The following RTKN2 variants were observed in gnomAD, a reference collection of about 807,000 sequenced individuals.
The protein encoded by RTKN2 is rhotekin-2.
A neutral mutation model predicts 71.5 loss-of-function variants in RTKN2; 69 were observed. The ratio of observed to expected loss-of-function variants is 0.96; its 90% CI spans 0.79 to 1.18. The LOEUF (loss-of-function observed/expected upper bound fraction) is 1.18. Ranked by LOEUF, RTKN2 falls within the 50% of genes most tolerant of loss-of-function variation. The pLI, the probability that RTKN2 is intolerant of heterozygous loss-of-function variation, is 0.00. For missense variants in RTKN2, 724 were observed against 719.7 expected, an observed-to-expected ratio of 1.01 and a Z score of -0.07; for synonymous variants, 236 against 236.5, an observed-to-expected ratio of 1.00 and a Z score of 0.02.
At chr10:62,236,392 A>C (rs1156327385) in intron 5 of RTKN2, 129 bp from the exon 6 acceptor site, 2 of 641,366 alleles carry the variant, frequency 3.1e-6, no homozygotes, top group Non-Finnish European at 5.4e-6. Context: ...TAAAACCACT[A>C]TGAGATACTA....
chr10:62,207,969 A>T (rs1466360331), intron 9 of RTKN2, among the ~76,000 whole-genome samples: 2 of 152,118 alleles, frequency 1.3e-5, no homozygotes, highest in Non-Finnish European at 2.9e-5. Flanking sequence ...TGATTTGTAA[A>T]TAGATTTGAG....
At chr10:62,203,455 C>G (rs1841487158) in intron 10 of RTKN2, among the ~76,000 whole-genome samples, 1 of 151,778 alleles carries the variant, frequency 6.6e-6, no homozygotes, top group African/African-American at 2.4e-5. Flanking sequence ...AGCAATTCTC[C>G]TGCCTCAGCC....
intron 9 of RTKN2, chr10:62,214,926 CT>C: frequency 3.8e-6 from 2 of 531,528 alleles, no homozygotes; most frequent in South Asian, 6.3e-5. Context: ...TATAATTTTC[CT>C]TACTAGTTTG....
chr10:62,195,708 A>C lies in RTKN2; in HGVS notation c.*2200T>G. ...GTATTATAACTACACTCCTTAGGTA[A>C]GGGGTAAATTAGCATTTCAGGAGCT... On this transcript the variant is annotated 3_prime_UTR_variant, in exon 12 of 12. Coordinates refer to ENST00000373789, the MANE Select transcript of RTKN2 (RefSeq NM_145307.4). The C allele has an allele frequency of 1.0e-6, 1 of 985,224 alleles. No homozygotes were observed. Among genetic ancestry groups the C allele is most frequent in the Middle Eastern group, 5.2e-4 (1 of 1,914 alleles). The allele number at this position is 985,224 out of a possible 1,614,324, so 61.0% of individuals were successfully genotyped here.
rs1353563663 is a variant in RTKN2, at chr10:62,196,021, T to C, written c.*1887A>G. ...TAATCTGGAAGTTTTAATACTGATT[T>C]GTAATAAAGGAAGGCATCAACTAGG... On this transcript the variant is annotated 3_prime_UTR_variant, in exon 12 of 12. Transcript: ENST00000373789. 1 of 984,628 alleles carries C rather than the reference T, an allele frequency of 1.0e-6. No homozygotes were observed. The highest frequency in any genetic ancestry group is 1.2e-6 in the Non-Finnish European group (1 of 829,378). The allele number at this position is 984,628 out of a possible 1,614,324, so 61.0% of individuals were successfully genotyped here. A position where few individuals can be genotyped will look rare whatever the true frequency, so the allele number is the denominator to read the frequency against.
chr10:62,238,996 T>C (rs61619017), intron 5 of RTKN2: 2 of 151,842 alleles, frequency 1.3e-5, no homozygotes, highest in African/African-American at 2.4e-5. Flanking sequence ...AAAACTATGT[T>C]AGTTAAAAAT....
intron 5 of RTKN2, chr10:62,239,436 C>T (rs878916135): frequency 2.8e-6 from 1 of 361,400 alleles, no homozygotes. Context: ...ATAGTAATTA[C>T]AAGATTTCCA....
At chr10:62,201,427 A>C (rs962902431) in intron 10 of RTKN2, among the ~76,000 whole-genome samples, 2 of 152,156 alleles carry the variant, frequency 1.3e-5, no homozygotes, top group African/African-American at 4.8e-5. Context: ...CAACTGATAA[A>C]GGGAATAAAT....
chr10:62,203,415 G>A (rs1841486453), intron 10 of RTKN2, among the ~76,000 whole-genome samples: 1 of 151,018 alleles, frequency 6.6e-6, no homozygotes, highest in South Asian at 2.1e-4. Context: ...TGAGATCTTG[G>A]CTCACTGCAA....
At chr10:62,224,094 T>C (rs4414111) in intron 6 of RTKN2, among the ~76,000 whole-genome samples, 135,576 of 152,112 alleles carry the variant, frequency 0.89, 60,538 homozygotes, top group East Asian at 1. Flanking sequence ...AAGCCAGTCA[T>C]AAAAGGACAA....
chr10:62,264,561 C>T (rs1842835097), intron 1 of RTKN2, among the ~76,000 whole-genome samples: 1 of 152,178 alleles, frequency 6.6e-6, no homozygotes, highest in Admixed American at 6.5e-5. Context: ...CTCTGGCAGA[C>T]TGACTATATT....
At chr10:62,202,035 A>T (rs1316375386) in intron 10 of RTKN2, among the ~76,000 whole-genome samples, 1 of 152,182 alleles carries the variant, frequency 6.6e-6, no homozygotes, top group South Asian at 2.1e-4. Context: ...ATGTAACTCA[A>T]TATTTATATT....
At chr10:62,259,161 A>G (rs2133086231) in intron 2 of RTKN2, 1 of 452,056 alleles carries the variant, frequency 2.2e-6, no homozygotes, top group Non-Finnish European at 4.4e-6. Flanking sequence ...TCCCCTGCAC[A>G]TGATCTCTTG....
Position 62,204,975 on chromosome 10 carries a change from A to G in RTKN2, c.1068T>C (p.His356=). The G allele has an allele frequency of 6.3e-7, 1 of 1,599,912 alleles. No individual in the cohort carries two copies. Among genetic ancestry groups the G allele is most frequent in the South Asian group, 1.2e-5 (1 of 86,806 alleles). The change falls in exon 10 of 12, where the codon CAT becomes CAC. Residue 356 remains histidine, a synonymous_variant. Transcript: ENST00000373789. ...AMDKDAKKRI[H]NFSVINPVPG... is the part of the protein sequence containing the mutation. ...GAACAGGATTGATGACAGAGAAATT[A>G]TGGATTCTTTTCTTGGCATCCTTAT...
At chr10:62,217,533 A>G (rs1174990258) in intron 8 of RTKN2, among the ~76,000 whole-genome samples, 3 of 152,224 alleles carry the variant, frequency 2.0e-5, no homozygotes, top group Non-Finnish European at 2.9e-5. Context: ...GGTGTTTTAG[A>G]AAAGCTAGTC....
At chr10:62,219,625 G>A (rs551986866) in intron 7 of RTKN2, among the ~76,000 whole-genome samples, 28 of 152,042 alleles carry the variant, frequency 1.8e-4, no homozygotes, top group Admixed American at 1.6e-3. Flanking sequence ...TAAGCAACTT[G>A]CTGTCATAAT....
chr10:62,228,123 T>G (rs1424884621), intron 6 of RTKN2, among the ~76,000 whole-genome samples: 1 of 152,060 alleles, frequency 6.6e-6, no homozygotes, highest in African/African-American at 2.4e-5. Flanking sequence ...GAGAAATAGG[T>G]ATTGGAGATA....
intron 3 of RTKN2, among the ~76,000 whole-genome samples, chr10:62,242,830 C>T (rs1842405529): frequency 6.6e-6 from 1 of 151,930 alleles, no homozygotes; most frequent in African/African-American, 2.4e-5. Context: ...AGGGGTTCAC[C>T]ATGTAGGCCA....
intron 2 of RTKN2, among the ~76,000 whole-genome samples, chr10:62,258,670 ATTTT>A (rs1842717473): frequency 6.6e-6 from 1 of 152,176 alleles, no homozygotes; most frequent in Admixed American, 6.5e-5. Flanking sequence ...AATATTCAAG[ATTTT>A]TTTAATTCCA....
Sources: allele counts gnomAD v4.1 joint callset (sites outside exome capture counted in the v4.1 genomes callset), GRCh38; gene constraint gnomAD v4.1.1; transcripts MANE v1.5; gene names NCBI Gene and HGNC (gene_info 2026-07-23, HGNC 2026-07-21).